The following ANKH variants were observed in gnomAD, a reference collection of about 807,000 sequenced individuals.
ANKH encodes mineralization regulator ANKH.
A neutral mutation model predicts 49.0 loss-of-function variants in ANKH; 15 were observed. The ratio of observed to expected loss-of-function variants is 0.31; its 90% confidence interval spans 0.20 to 0.47. The LOEUF (loss-of-function observed/expected upper bound fraction) is 0.47, where lower values mean the gene tolerates loss of function less well. Among genes scored for constraint, ANKH ranks in the 20% least tolerant of loss-of-function variants. The pLI, the probability that ANKH is intolerant of heterozygous loss-of-function variation, is 1.00. For missense variants in ANKH, 429 were observed against 652.0 expected, an observed-to-expected ratio of 0.66 and a Z score of 3.72; for synonymous variants, 273 against 260.0, an observed-to-expected ratio of 1.05 and a Z score of -0.48.
intron 1 of ANKH, among the ~76,000 whole-genome samples, chr5:14,812,391 A>T (rs904421950): frequency 2.6e-5 from 4 of 152,156 alleles, no homozygotes; most frequent in Admixed American, 1.3e-4. Flanking sequence ...CCCTGTGACG[A>T]AACAGTCTCT....
Position 14,749,223 on chromosome 5 carries a change from A to C in ANKH, c.771T>G (p.Ile257Met). ...GGTCCCGGGAAACAAAGAGGTTGAC[A>C]ATAGGCCGACTGATTCTCTGTGTGG... ...ILATQRISRP[I>M]VNLFVSRDLG... Residue 257 changes from isoleucine to methionine, a missense_variant, in exon 6 of 12, where the codon ATT (isoleucine) becomes ATG (methionine). Ile to Met is a conservative substitution (Grantham distance 10). This residue lies in a region of ANKH where 378 missense variants were observed against 615.3 expected (regional missense o/e 0.61). Coordinates refer to ENST00000284268, the MANE Select transcript of ANKH (RefSeq NM_054027.6). 6.2e-7 allele frequency: 1 copy of C among 1,614,180 alleles called. No individual in the cohort carries two copies. Among genetic ancestry groups the C allele is most frequent in the Non-Finnish European group, 8.5e-7 (1 of 1,180,006 alleles).
intron 1 of ANKH, among the ~76,000 whole-genome samples, chr5:14,773,702 G>C (rs1739522450): frequency 6.6e-6 from 1 of 152,194 alleles, no homozygotes; most frequent in South Asian, 2.1e-4. Context: ...AAGGTAGGTA[G>C]TGCACAGGGC....
intron 1 of ANKH, among the ~76,000 whole-genome samples, chr5:14,816,109 A>G (rs1229469100): frequency 6.6e-6 from 1 of 152,242 alleles, no homozygotes; most frequent in Non-Finnish European, 1.5e-5. Flanking sequence ...CCCAGTTGCC[A>G]TTCTAATGGG....
intron 8 of ANKH, chr5:14,724,479 T>A: frequency 2.3e-6 from 2 of 884,904 alleles, no homozygotes; most frequent in South Asian, 1.0e-4. Flanking sequence ...CATATTAAGG[T>A]CCCCCAATAG....
intron 8 of ANKH, among the ~76,000 whole-genome samples, chr5:14,719,087 A>T (rs1025907403): frequency 1.3e-5 from 2 of 152,158 alleles, no homozygotes; most frequent in African/African-American, 4.8e-5. Context: ...CATCCGGGGG[A>T]GGTGGTGCAG....
chr5:14,800,732 T>C (rs191536715), intron 1 of ANKH, among the ~76,000 whole-genome samples: 106 of 150,922 alleles, frequency 7.0e-4, no homozygotes, highest in Non-Finnish European at 8.1e-4. Context: ...TTTTTCTTTT[T>C]TTTTTTTTTT....
At chr5:14,788,023 G>A (rs768132097) in intron 1 of ANKH, 3 of 152,182 alleles carry the variant, frequency 2.0e-5, no homozygotes, top group Non-Finnish European at 4.4e-5. Context: ...TTTACAAATA[G>A]GTGAAACAAT....
chr5:14,777,006 G>T (rs930917013), intron 1 of ANKH, among the ~76,000 whole-genome samples: 14 of 152,212 alleles, frequency 9.2e-5, no homozygotes, highest in African/African-American at 3.4e-4. Flanking sequence ...CTGGGGTCGG[G>T]TGCAGTGGCT....
At chr5:14,756,833 C>A (rs997545782) in intron 3 of ANKH, among the ~76,000 whole-genome samples, 5 of 152,090 alleles carry the variant, frequency 3.3e-5, no homozygotes, top group Admixed American at 1.3e-4. Flanking sequence ...TATAAATGTT[C>A]ATTATTTTCA....
chr5:14,787,623 A>AAAAATG (rs1296560344), intron 1 of ANKH, among the ~76,000 whole-genome samples: 8 of 152,238 alleles, frequency 5.3e-5, no homozygotes, highest in Admixed American at 5.2e-4. Context: ...TTAAAATGAA[A>AAAAATG]AAAAATGAAA....
intron 8 of ANKH, among the ~76,000 whole-genome samples, chr5:14,720,001 TAAGAA>T (rs1465778755): frequency 6.6e-6 from 1 of 152,182 alleles, no homozygotes; most frequent in Non-Finnish European, 1.5e-5. Context: ...TAAAATGAAT[TAAGAA>T]CAGAACACTA....
intron 1 of ANKH, chr5:14,798,409 G>A (rs778487676): frequency 2.4e-4 from 366 of 1,553,170 alleles, no homozygotes; most frequent in Non-Finnish European, 2.9e-4. Flanking sequence ...ATGGCGGGCA[G>A]GCGAGCCGGG....
intron 1 of ANKH, among the ~76,000 whole-genome samples, chr5:14,849,575 T>C (rs1561083310): frequency 6.6e-6 from 1 of 152,220 alleles, no homozygotes; most frequent in Non-Finnish European, 1.5e-5. Context: ...TGTCATGATA[T>C]ACAATAGACA....
At chr5:14,846,104 G>A (rs935056735) in intron 1 of ANKH, among the ~76,000 whole-genome samples, 1 of 152,168 alleles carries the variant, frequency 6.6e-6, no homozygotes, top group Admixed American at 6.5e-5. Flanking sequence ...TGATCCGCCT[G>A]CCTCGGCCTC....
At chr5:14,763,829 C>T (rs148658832) in intron 2 of ANKH, among the ~76,000 whole-genome samples, 1 of 152,322 alleles carries the variant, frequency 6.6e-6, no homozygotes, top group African/African-American at 2.4e-5. Flanking sequence ...TGGCTTATGC[C>T]TGTAATCCCA....
At chr5:14,830,312 T>G (rs980392053) in intron 1 of ANKH, among the ~76,000 whole-genome samples, 2 of 152,204 alleles carry the variant, frequency 1.3e-5, no homozygotes, top group Non-Finnish European at 1.5e-5. Flanking sequence ...GTGTTGAACT[T>G]ACCTCCTGCC....
At chr5:14,764,923 G>A (rs574639401) in intron 2 of ANKH, among the ~76,000 whole-genome samples, 7 of 152,314 alleles carry the variant, frequency 4.6e-5, no homozygotes, top group Non-Finnish European at 5.9e-5. Context: ...AAGAATAAAC[G>A]TGTAAAGAAA....
intron 4 of ANKH, among the ~76,000 whole-genome samples, chr5:14,754,702 G>C (rs1738824034): frequency 1.3e-5 from 2 of 152,196 alleles, no homozygotes; most frequent in African/African-American, 2.4e-5. Flanking sequence ...AGTACTAACA[G>C]TTCAACAGTC....
intron 1 of ANKH, among the ~76,000 whole-genome samples, chr5:14,837,777 C>T (rs1250190282): frequency 1.3e-5 from 2 of 152,180 alleles, no homozygotes; most frequent in Non-Finnish European, 2.9e-5. Context: ...TTACTGGGTA[C>T]ATACCCAAAG....
Sources: allele counts gnomAD v4.1 joint callset (sites outside exome capture counted in the v4.1 genomes callset), GRCh38; gene constraint gnomAD v4.1.1; regional missense constraint gnomAD v4.1.1; transcripts MANE v1.5; gene names NCBI Gene and HGNC (gene_info 2026-07-23, HGNC 2026-07-21).